Variants in PID1 observed in about 807,000 individuals in gnomAD.
PID1 encodes the protein PTB-containing, cubilin and LRP1-interacting protein.
Under a neutral mutation model 19.1 loss-of-function variants are expected in PID1, and 10 were observed. The observed-to-expected ratio is 0.52, with a 90% CI of 0.32 to 0.89. The LOEUF (loss-of-function observed/expected upper bound fraction) is 0.89. PID1 is among the 40% of genes least tolerant of loss of function. The pLI is 0.03. For synonymous variants in PID1, 130 were observed against 116.0 expected (o/e 1.12, Z -0.78); for missense variants, 248 against 285.3 (o/e 0.87, Z 0.94).
chr2:229,094,688 A>C (rs918755059), intron 2 of PID1, among the ~76,000 whole-genome samples: 2 of 152,110 alleles, frequency 1.3e-5, no homozygotes, highest in African/African-American at 4.8e-5. Context: ...CTGGGGAAAG[A>C]ACACCCTATT....
At chr2:229,221,105 T>C (rs752515476) in intron 1 of PID1, among the ~76,000 whole-genome samples, 5 of 152,150 alleles carry the variant, frequency 3.3e-5, no homozygotes, top group Admixed American at 6.5e-5. Flanking sequence ...TTTAACCTCT[T>C]AGAGAACAGA....
At chr2:229,056,612 A>AATATATATAT (rs200540998) in intron 2 of PID1, among the ~76,000 whole-genome samples, 81 of 148,208 alleles carry the variant, frequency 5.5e-4, no homozygotes, top group African/African-American at 1.3e-3. Context: ...AAATAAAAAT[A>AATATATATAT]ATATATATAT....
chr2:229,062,585 T>A (rs1364560967), intron 2 of PID1, among the ~76,000 whole-genome samples: 1 of 151,864 alleles, frequency 6.6e-6, no homozygotes, highest in African/African-American at 2.4e-5. Flanking sequence ...GTGATTCTGG[T>A]GATGATGATT....
chr2:229,049,826 T>C (rs531489561), intron 2 of PID1, among the ~76,000 whole-genome samples: 1 of 152,236 alleles, frequency 6.6e-6, no homozygotes, highest in East Asian at 1.9e-4. Flanking sequence ...GGAAAAAATG[T>C]GCTGCATTAC....
chr2:229,117,052 T>G (rs931504412), intron 2 of PID1, among the ~76,000 whole-genome samples: 1 of 152,170 alleles, frequency 6.6e-6, no homozygotes, highest in Non-Finnish European at 1.5e-5. Context: ...CCACAAGCTT[T>G]TATATGTTAT....
intron 2 of PID1, among the ~76,000 whole-genome samples, chr2:229,082,257 C>A (rs1012483927): frequency 4.6e-5 from 7 of 152,176 alleles, no homozygotes; most frequent in African/African-American, 1.7e-4. Flanking sequence ...TGGAGAAATG[C>A]ACACCACCAC....
At chr2:229,177,190 C>T (rs1305228186) in intron 1 of PID1, among the ~76,000 whole-genome samples, 1 of 152,184 alleles carries the variant, frequency 6.6e-6, no homozygotes, top group East Asian at 1.9e-4. Context: ...CCAAGCCCCT[C>T]TCACAACACG....
At chr2:229,046,220 C>T (rs778676190) in intron 2 of PID1, among the ~76,000 whole-genome samples, 4 of 152,146 alleles carry the variant, frequency 2.6e-5, no homozygotes, top group Non-Finnish European at 5.9e-5. Context: ...ATTTTCTCAG[C>T]AAAGCTTAGT....
intron 2 of PID1, among the ~76,000 whole-genome samples, chr2:229,049,287 T>C (rs16825614): frequency 0.014 from 2,098 of 152,322 alleles, 59 homozygotes; most frequent in African/African-American, 0.048. Flanking sequence ...ACATGTATGT[T>C]GGCAATCTGT....
intron 1 of PID1, among the ~76,000 whole-genome samples, chr2:229,264,924 CA>C (rs1352037921): frequency 2.0e-5 from 3 of 152,166 alleles, no homozygotes; most frequent in Non-Finnish European, 4.4e-5. Context: ...CTAAACTCAA[CA>C]CTCCATTCCT....
intron 2 of PID1, among the ~76,000 whole-genome samples, chr2:229,080,375 T>A (rs1240988831): frequency 1.3e-5 from 2 of 152,008 alleles, no homozygotes; most frequent in African/African-American, 2.4e-5. Flanking sequence ...CTTACATACC[T>A]CTGTGGTTGT....
rs1012565261 is a variant in PID1 at position 229,211,980 on chromosome 2, T to C, written c.31-56016A>G. 7.2e-5 allele frequency among the ~76,000 whole-genome samples: 11 copies of C among 152,256 alleles called. No individual in the cohort carries two copies. In the South Asian group the frequency reaches 1.9e-3, roughly 26 times the overall value. ...TTTCTCCAGTAAATCAGAATCTTAG[T>C]TGATCTCAAAGTCATTCTTCTAAAA... On this transcript the variant is annotated intron_variant, in intron 1 of 2. Transcript: ENST00000392055.
chr2:229,260,514 G>A (rs965243820), intron 1 of PID1, among the ~76,000 whole-genome samples: 1 of 150,544 alleles, frequency 6.6e-6, no homozygotes, highest in Admixed American at 6.7e-5. Flanking sequence ...GTGTGTGTGT[G>A]TATATATATA....
rs115968928 is a variant in PID1 at position 229,084,043 on chromosome 2, A to T, written c.178-57935T>A. ...TTTACTTCAGTGAATGATTATAAAC[A>T]GAAGACACTTGAGACAGCTCACTGC... On this transcript the variant is annotated intron_variant, in intron 2 of 2. Transcript: ENST00000392055. 4.0e-3 allele frequency among the ~76,000 whole-genome samples: 608 copies of T among 152,356 alleles called. 4 individuals carry two copies. The highest frequency in any genetic ancestry group is 0.013 in the African/African-American group (535 of 41,582).
intron 2 of PID1, among the ~76,000 whole-genome samples, chr2:229,110,315 G>A (rs1233355091): frequency 6.6e-6 from 1 of 152,168 alleles, no homozygotes; most frequent in African/African-American, 2.4e-5. Flanking sequence ...AAGCTAAGAG[G>A]ACCCCAAAAT....
chr2:229,152,884 A>C (rs1051754040), intron 2 of PID1, among the ~76,000 whole-genome samples: 2 of 152,078 alleles, frequency 1.3e-5, no homozygotes, highest in Non-Finnish European at 2.9e-5. Context: ...CCAAACCCAA[A>C]GTTATAAGAG....
At chr2:229,073,088 G>A (rs1694489454) in intron 2 of PID1, among the ~76,000 whole-genome samples, 1 of 152,114 alleles carries the variant, frequency 6.6e-6, no homozygotes. Flanking sequence ...TGCAGTGGTG[G>A]GATCTCAGCT....
intron 1 of PID1, among the ~76,000 whole-genome samples, chr2:229,190,701 C>T (rs996471091): frequency 6.6e-6 from 1 of 152,210 alleles, no homozygotes; most frequent in African/African-American, 2.4e-5. Context: ...AGCATCATTA[C>T]TAATTTCCTA....
chr2:229,034,152 T>G (rs1034941939), intron 2 of PID1, among the ~76,000 whole-genome samples: 6 of 152,206 alleles, frequency 3.9e-5, no homozygotes, highest in African/African-American at 1.4e-4. Context: ...CTGTTCATAG[T>G]GAAATCTATG....
Sources: allele counts gnomAD v4.1 joint callset (sites outside exome capture counted in the v4.1 genomes callset), GRCh38; gene constraint gnomAD v4.1.1; transcripts MANE v1.5; gene names NCBI Gene and HGNC (gene_info 2026-07-23, HGNC 2026-07-21).